Variants in ATXN1 observed in about 807,000 individuals in gnomAD.
The protein encoded by ATXN1 is ataxin-1.
In ATXN1, 8 loss-of-function variants were observed where a neutral mutation model predicts 56.4. That is an observed-to-expected ratio of 0.14 (90% CI 0.08 to 0.26). The LOEUF (loss-of-function observed/expected upper bound fraction) is 0.26. ATXN1 is among the 10% of genes least tolerant of loss of function. The probability of loss-of-function intolerance (pLI) is 1.00; values close to 1 mark genes in which losing one functional copy is unlikely to be tolerated. For synonymous variants in ATXN1, 514 were observed against 494.6 expected, an observed-to-expected ratio of 1.04 and a Z score of -0.52; for missense variants, 987 against 1,106.5, an observed-to-expected ratio of 0.89 and a Z score of 1.53.
chr6:16,465,003 C>T (rs1760074559), intron 6 of ATXN1, among the ~76,000 whole-genome samples: 1 of 152,134 alleles, frequency 6.6e-6, no homozygotes, highest in South Asian at 2.1e-4. Context: ...AATATAGGAA[C>T]TCTTTGTACT....
At chr6:16,712,702 CCCT>C (rs939332335) in intron 2 of ATXN1, among the ~76,000 whole-genome samples, 5 of 146,324 alleles carry the variant, frequency 3.4e-5, no homozygotes, top group African/African-American at 1.3e-4. Context: ...CTGAACATAT[CCCT>C]CCGTTTTTGC....
intron 3 of ATXN1, among the ~76,000 whole-genome samples, chr6:16,656,451 T>C (rs535221162): frequency 6.6e-6 from 1 of 152,250 alleles, no homozygotes; most frequent in South Asian, 2.1e-4. Flanking sequence ...GACCTAGGCT[T>C]CAATTTGAGG....
At chr6:16,706,617 C>T (rs371858882) in intron 2 of ATXN1, among the ~76,000 whole-genome samples, 3 of 151,298 alleles carry the variant, frequency 2.0e-5, no homozygotes, top group African/African-American at 7.3e-5. Flanking sequence ...CCTAGCTACT[C>T]AGGAGACTGA....
intron 4 of ATXN1, among the ~76,000 whole-genome samples, chr6:16,562,648 G>C (rs1762145480): frequency 1.3e-5 from 2 of 152,134 alleles, no homozygotes; most frequent in South Asian, 4.1e-4. Context: ...TCTTAGGCCA[G>C]TGAAGACATT....
chr6:16,325,026 G>A (rs1369280666), intron 7 of ATXN1, among the ~76,000 whole-genome samples: 2 of 152,000 alleles, frequency 1.3e-5, no homozygotes, highest in African/African-American at 2.4e-5. Context: ...ATTCCTAGGA[G>A]CCTGACTTTC....
At chr6:16,724,165 A>C (rs1037368297) in intron 2 of ATXN1, among the ~76,000 whole-genome samples, 1 of 152,332 alleles carries the variant, frequency 6.6e-6, no homozygotes, top group Non-Finnish European at 1.5e-5. Context: ...AGTGACTGGC[A>C]TTCCCTTTAA....
chr6:16,559,950 C>T (rs1232745650), intron 4 of ATXN1, among the ~76,000 whole-genome samples: 2 of 152,072 alleles, frequency 1.3e-5, no homozygotes, highest in Admixed American at 6.6e-5. Context: ...GCTAAGCTTC[C>T]TGTACACATG....
chr6:16,440,971 C>G (rs1344511678), intron 6 of ATXN1, among the ~76,000 whole-genome samples: 1 of 152,154 alleles, frequency 6.6e-6, no homozygotes, highest in Non-Finnish European at 1.5e-5. Context: ...CAGTGGGCAT[C>G]TGAAGGTTTT....
At chr6:16,512,549 G>A (rs1761103082) in intron 5 of ATXN1, among the ~76,000 whole-genome samples, 1 of 152,178 alleles carries the variant, frequency 6.6e-6, no homozygotes, top group Admixed American at 6.5e-5. Context: ...TTTATAAAAG[G>A]TATTCTCTTT....
At position 16,487,277 on chromosome 6, in the gene ATXN1, G is replaced by GAA. The variant is rs759545412; in HGVS notation, c.-298-1170_-298-1169dup. On this transcript the variant is annotated intron_variant, in intron 5 of 7. Coordinates refer to ENST00000436367, the MANE Select transcript of ATXN1 (RefSeq NM_001128164.2). Reference sequence around the variant, plus strand: ...TCCTTTCAAATCATGAGCATGCACAGAAAAAACAGTTGTAGTATTAGCATT... The same window carrying GAA: ...TCCTTTCAAATCATGAGCATGCACAGAAAAAAAACAGTTGTAGTATTAGCATT... Among the ~76,000 whole-genome samples, 428 of 105,056 alleles carry GAA rather than the reference G, an allele frequency of 4.1e-3. 2 individuals are homozygous for GAA. Among genetic ancestry groups the GAA allele is most frequent in the African/African-American group, 0.014 (373 of 27,334 alleles). 68.9% of individuals were successfully genotyped at this position (105,056 alleles called of 152,430 possible).
chr6:16,729,203 C>CT (rs1759913672), intron 2 of ATXN1, among the ~76,000 whole-genome samples: 1 of 152,170 alleles, frequency 6.6e-6, no homozygotes, highest in Non-Finnish European at 1.5e-5. Context: ...TGACCTCTGC[C>CT]TTTTTTCTCT....
intron 3 of ATXN1, among the ~76,000 whole-genome samples, chr6:16,586,446 G>A (rs542349895): frequency 2.1e-4 from 32 of 152,288 alleles, no homozygotes; most frequent in African/African-American, 7.5e-4. Flanking sequence ...TGATGTCAGT[G>A]ATGGCCAAGG....
intron 6 of ATXN1, chr6:16,485,066 A>C (rs1760518458): frequency 6.6e-6 from 1 of 152,012 alleles, no homozygotes; most frequent in African/African-American, 2.4e-5. Context: ...ATACACAAAA[A>C]CAACAACAAA....
At position 16,613,214 on chromosome 6, in the gene ATXN1, G is replaced by A. The variant is rs1414577883; in HGVS notation, c.-488-27307C>T. ...CGGGAAGCGGAGCTTGCAGTGAGCC[G>A]AGATTGTGCCACTGCAGTCCGCAGT... On this transcript the variant is annotated intron_variant, in intron 3 of 7. Transcript: ENST00000436367. Among the ~76,000 whole-genome samples the A allele has an allele frequency of 2.1e-5, 3 of 141,310 alleles. 1 individual carries two copies. The highest frequency in any genetic ancestry group is 5.2e-5 in the African/African-American group (2 of 38,406). The allele number at this position is 141,310 out of a possible 152,430, so 92.7% of individuals were successfully genotyped here. A position where few individuals can be genotyped will look rare whatever the true frequency, so the allele number is the denominator to read the frequency against.
intron 4 of ATXN1, among the ~76,000 whole-genome samples, chr6:16,571,051 T>C (rs1401745028): frequency 2.6e-5 from 4 of 152,130 alleles, no homozygotes; most frequent in Admixed American, 6.5e-5. Context: ...CTGTTGAGGG[T>C]TACACAGCAA....
chr6:16,395,265 C>T (rs868562920), intron 6 of ATXN1, among the ~76,000 whole-genome samples: 67 of 99,466 alleles, frequency 6.7e-4, no homozygotes, highest in African/African-American at 2.8e-3. Context: ...AGCGAAACTC[C>T]GTCTCAAAAA....
rs908044546 is a variant in ATXN1, at chr6:16,509,320, T to C, written c.-299+13307A>G. The stretch of plus-strand genomic sequence containing the variant: ...GTTTCTTACCTGGCCTCCCTGTTTT[T>C]CTTGCCATCCTTTTAATGTCACAGT... On this transcript the variant is annotated intron_variant, in intron 5 of 7. Transcript: ENST00000436367. Among the ~76,000 whole-genome samples, 21 of 152,244 alleles carry C rather than the reference T, an allele frequency of 1.4e-4. 1 individual carries two copies. Among genetic ancestry groups the C allele is most frequent in the African/African-American group, 4.8e-4 (20 of 41,464 alleles).
intron 6 of ATXN1, among the ~76,000 whole-genome samples, chr6:16,456,844 A>T (rs1759886842): frequency 6.6e-6 from 1 of 152,168 alleles, no homozygotes; most frequent in South Asian, 2.1e-4. Flanking sequence ...AATCAGAAAG[A>T]CATAATTTTT....
rs1561806471 is a variant in ATXN1 at position 16,682,202 on chromosome 6, A to T, written c.-614-24301T>A. ...AATTCAGTAGAGGCCACTGGGGAGAACTTTTTTTTTTTGAGATGGAGTCTC... is the reference window on the plus strand; with the variant it reads ...AATTCAGTAGAGGCCACTGGGGAGATCTTTTTTTTTTTGAGATGGAGTCTC... On this transcript the variant is annotated intron_variant, in intron 2 of 7. Transcript: ENST00000436367. 4.0e-5 allele frequency among the ~76,000 whole-genome samples: 2 copies of T among 50,034 alleles called. 1 individual carries two copies. 32.8% of individuals were successfully genotyped at this position (50,034 alleles called of 152,430 possible). A position where few individuals can be genotyped will look rare whatever the true frequency, so the allele number is the denominator to read the frequency against.
Sources: gnomAD v4.1 joint callset for allele counts (sites outside exome capture counted in the v4.1 genomes callset) on GRCh38, gnomAD v4.1.1 for gene constraint, MANE v1.5 for transcripts, NCBI Gene and HGNC (gene_info 2026-07-23, HGNC 2026-07-21) for gene names.